The following NCF2 variants were observed in gnomAD, a reference collection of about 807,000 sequenced individuals.
NCF2 encodes neutrophil cytosol factor 2.
A neutral mutation model predicts 70.9 loss-of-function variants in NCF2; 45 were observed. The observed-to-expected ratio is 0.63, with a 90% CI of 0.50 to 0.81. The LOEUF is 0.81. Ranked by LOEUF, NCF2 falls within the 40% of genes least tolerant of loss-of-function variation. NCF2 has a pLI of 0.00. For missense variants in NCF2, 522 were observed against 631.6 expected, an observed-to-expected ratio of 0.83 and a Z score of 1.86; for synonymous variants, 203 against 233.6, an observed-to-expected ratio of 0.87 and a Z score of 1.19.
At chr1:183,557,736 CCT>C (rs1418150123) in intron 14 of NCF2, among the ~76,000 whole-genome samples, 1 of 152,170 alleles carries the variant, frequency 6.6e-6, no homozygotes, top group Non-Finnish European at 1.5e-5. Flanking sequence ...ATTCCTGCTC[CCT>C]CTCCCAAACT....
chr1:183,561,284 ATGT>A (rs1468325823), intron 13 of NCF2, among the ~76,000 whole-genome samples: 2 of 152,168 alleles, frequency 1.3e-5, no homozygotes, highest in African/African-American at 4.8e-5. Context: ...TAGCTTCTTA[ATGT>A]TGTTTGTTGA....
intron 13 of NCF2, among the ~76,000 whole-genome samples, chr1:183,561,854 G>C (rs1030828740): frequency 1.5e-4 from 20 of 131,200 alleles, no homozygotes; most frequent in Non-Finnish European, 2.6e-4. Flanking sequence ...CTGGAGTGCA[G>C]TGGTATGATA....
intron 14 of NCF2, 116 bp from the exon 15 acceptor site, chr1:183,556,346 C>T (rs1314647207): frequency 1.1e-6 from 1 of 887,734 alleles, no homozygotes; most frequent in Admixed American, 1.9e-5. Flanking sequence ...TAATTGTGAT[C>T]AACAGGGAAA....
intron 2 of NCF2, among the ~76,000 whole-genome samples, chr1:183,580,113 A>T (rs1441680034): frequency 1.3e-5 from 2 of 152,236 alleles, no homozygotes; most frequent in Non-Finnish European, 2.9e-5. Context: ...AGAAGCCATC[A>T]CCATTAGGGT....
chr1:183,556,554 G>A (rs939309364), intron 14 of NCF2, among the ~76,000 whole-genome samples: 1 of 152,120 alleles, frequency 6.6e-6, no homozygotes, highest in African/African-American at 2.4e-5. Flanking sequence ...CCCCAACCTT[G>A]ACAGGGTCTC....
chr1:183,599,418 CTTT>C, the NCF2 span, among the ~76,000 whole-genome samples: 135 of 139,580 alleles, frequency 9.7e-4, no homozygotes, highest in African/African-American at 3.1e-3. Context: ...TTCTTTCTTT[CTTT>C]CCTTCTTTCT....
intron 5 of NCF2, among the ~76,000 whole-genome samples, chr1:183,572,151 C>T (rs1672594293): frequency 1.3e-5 from 2 of 152,268 alleles, no homozygotes; most frequent in African/African-American, 2.4e-5. Context: ...TCACTTCAGA[C>T]CATGTCTGAA....
chr1:183,577,563 T>A (rs1310923382), intron 3 of NCF2, 36 bp downstream of exon 3: 1 of 1,489,376 alleles, frequency 6.7e-7, no homozygotes, highest in Non-Finnish European at 9.4e-7. Context: ...CCAGCCATGA[T>A]CCCCTCCTGC....
chr1:183,573,187 T>C lies in NCF2; in HGVS notation c.607A>G (p.Thr203Ala), dbSNP rs765762727. Residue 203 changes from threonine to alanine, a missense_variant and splice_region_variant, in exon 5 of 15, where the codon ACG (threonine) becomes GCG (alanine). Transcript: ENST00000367535. ...GGAAGCTGAGCAATCCCACCTACCG[T>C]CGCCTTGCCTAGGTAATCCTTCTTG... ...LAKKDYLGKA[T>A]VVASVVDQDS... 1 of 1,614,012 alleles carries C rather than the reference T, an allele frequency of 6.2e-7. No homozygotes were observed. The highest frequency in any genetic ancestry group is 1.1e-5 in the South Asian group (1 of 91,084).
At chr1:183,601,839 CAGAG>C in the NCF2 span, among the ~76,000 whole-genome samples, 1 of 128,614 alleles carries the variant, frequency 7.8e-6, no homozygotes, top group Non-Finnish European at 1.6e-5. Context: ...GACTGGGCGA[CAGAG>C]AGAGATCTGT....
At chr1:183,567,506 G>A (rs1030451234) in intron 7 of NCF2, 161 bp from the exon 8 acceptor site, 13 of 991,322 alleles carry the variant, frequency 1.3e-5, no homozygotes, top group Non-Finnish European at 2.1e-5. Context: ...GCTCCCAAGA[G>A]GTCTCAGCAA....
intron 3 of NCF2, among the ~76,000 whole-genome samples, chr1:183,575,864 G>A (rs1403353319): frequency 3.9e-5 from 6 of 152,174 alleles, no homozygotes; most frequent in Non-Finnish European, 7.3e-5. Context: ...GGTGCTGAAT[G>A]GTGGGGGCCA....
At chr1:183,581,298 G>GA (rs1299536454) in intron 2 of NCF2, among the ~76,000 whole-genome samples, 12 of 107,182 alleles carry the variant, frequency 1.1e-4, no homozygotes, top group African/African-American at 3.5e-4. Context: ...AAAAAAAAAA[G>GA]AAAGAAAGAA....
intron 1 of NCF2, 119 bp from the exon 2 acceptor site, chr1:183,587,096 C>T (rs1020653763): frequency 1.1e-5 from 11 of 959,352 alleles, no homozygotes; most frequent in African/African-American, 3.2e-5. Context: ...CTGCCCTCGT[C>T]GGCACCTCGA....
intron 1 of NCF2, among the ~76,000 whole-genome samples, chr1:183,589,177 T>C (rs1303095772): frequency 6.6e-6 from 1 of 152,200 alleles, no homozygotes; most frequent in Non-Finnish European, 1.5e-5. Context: ...TTACCTACTG[T>C]TGGAGTGTGG....
At chr1:183,574,269 A>T (rs1375799019) in intron 4 of NCF2, among the ~76,000 whole-genome samples, 1 of 152,190 alleles carries the variant, frequency 6.6e-6, no homozygotes, top group South Asian at 2.1e-4. Context: ...CCCCACTCCA[A>T]GGGTGGTGTG....
At position 183,560,279 on chromosome 1, in the gene NCF2, A is replaced by G. The variant is rs2102876049; in HGVS notation, c.1291-6T>C. On this transcript the variant is annotated splice_region_variant and splice_polypyrimidine_tract_variant and intron_variant, in intron 13 of 14. Coordinates refer to ENST00000367535, the MANE Select transcript of NCF2 (RefSeq NM_000433.4). ...TCTGGAAAGCCTTGGTCACCCTGAA[A>G]TAATAAAGGGCCTGTTAATTTTCCC... 1.9e-6 allele frequency: 3 copies of G among 1,614,168 alleles called. No individual in the cohort carries two copies. Among genetic ancestry groups the G allele is most frequent in the Non-Finnish European group, 2.5e-6 (3 of 1,180,012 alleles).
intron 14 of NCF2, among the ~76,000 whole-genome samples, chr1:183,558,606 C>T (rs1671899752): frequency 6.6e-6 from 1 of 151,776 alleles, no homozygotes; most frequent in African/African-American, 2.4e-5. Context: ...CGCTCTGTCA[C>T]CCAGGCTGGA....
chr1:183,579,457 T>C (rs1672955877), intron 2 of NCF2, among the ~76,000 whole-genome samples: 1 of 152,122 alleles, frequency 6.6e-6, no homozygotes, highest in African/African-American at 2.4e-5. Flanking sequence ...CCGGGCGCAG[T>C]GGCTCACGCC....
Sources: gnomAD v4.1 joint callset for allele counts (sites outside exome capture counted in the v4.1 genomes callset) on GRCh38, gnomAD v4.1.1 for gene constraint, MANE v1.5 for transcripts, NCBI Gene and HGNC (gene_info 2026-07-23, HGNC 2026-07-21) for gene names.